CNGB3: variants seen among roughly 807,000 people sequenced by gnomAD.
The protein encoded by CNGB3 is cyclic nucleotide gated channel subunit beta 3.
In CNGB3, 86 loss-of-function variants were observed where a neutral mutation model predicts 92.8. The ratio of observed to expected loss-of-function variants is 0.93; its 90% CI spans 0.78 to 1.11. The LOEUF (loss-of-function observed/expected upper bound fraction) is 1.11. Ranked by LOEUF, CNGB3 falls within the 50% of genes least tolerant of loss-of-function variation. The pLI is 0.00. For missense variants in CNGB3, 1,026 were observed against 956.8 expected (o/e 1.07, Z -0.95); for synonymous variants, 333 against 332.7 (o/e 1.00, Z -0.01).
intron 7 of CNGB3, among the ~76,000 whole-genome samples, chr8:86,651,032 AT>A (rs1181569798): frequency 6.6e-6 from 1 of 151,880 alleles, no homozygotes; most frequent in African/African-American, 2.4e-5. Flanking sequence ...GCTGGAGGCC[AT>A]TATTCTAAGT....
Position 86,743,575 on chromosome 8 carries a change from T to C in CNGB3, c.53A>G (p.Asn18Ser), listed in dbSNP as rs757956255. Residue 18 changes from asparagine (N) to serine (S), a missense_variant, in exon 1 of 18, where the codon AAT becomes AGT. Physicochemically the swap from Asn to Ser is conservative, Grantham distance 46. Transcript: ENST00000320005. ...VNKVKPIGEN[N>S]ENEQSSRRNE... The stretch of plus-strand genomic sequence containing the variant: ...CCGACGAGAACTTTGTTCATTCTCA[T>C]TGTTCTCTCCTATAGGCTTCACCTT... The C allele has an allele frequency of 6.2e-7, 1 of 1,614,010 alleles. No individual in the cohort carries two copies. Among genetic ancestry groups the C allele is most frequent in the South Asian group, 1.1e-5 (1 of 91,082 alleles).
Position 86,643,884 on chromosome 8 carries a change from GA to G in CNGB3, c.1056-12del. The G allele has an allele frequency of 6.2e-7, 1 of 1,602,790 alleles. No homozygotes were observed. On this transcript the variant is annotated splice_polypyrimidine_tract_variant and intron_variant, in intron 9 of 17. Transcript: ENST00000320005. The stretch of plus-strand genomic sequence containing the variant: ...GTTGTTCGAATAACTCTGTCAGAGA[GA>G]ATAGATGCAAAGTAAGATTCATGTT...
At chr8:86,664,273 C>G (rs922171989) in intron 6 of CNGB3, among the ~76,000 whole-genome samples, 1 of 152,198 alleles carries the variant, frequency 6.6e-6, no homozygotes, top group African/African-American at 2.4e-5. Context: ...AAAAAATATT[C>G]AAAGCTATTC....
rs1823572770 is a variant in CNGB3, at chr8:86,658,864, G to T, written c.853-4802C>A. The T allele has an allele frequency of 1.6e-5, 11 of 678,412 alleles. No individual in the cohort carries two copies. The South Asian group carries it at 1.8e-4, about 11-fold the overall frequency. 42.0% of individuals were successfully genotyped at this position (678,412 alleles called of 1,614,324 possible). A position where few individuals can be genotyped will look rare whatever the true frequency, so the allele number is the denominator to read the frequency against. On this transcript the variant is annotated intron_variant, in intron 6 of 17. Coordinates refer to ENST00000320005, the MANE Select transcript of CNGB3 (RefSeq NM_019098.5). ...TCATTCTGCATGGTCTCCAGGGTTT[G>T]CCTGTGCACCTCCACCTGCTCCTCC... is the stretch of plus-strand genomic sequence containing the variant.
At chr8:86,595,891 A>G (rs1262592396) in intron 15 of CNGB3, among the ~76,000 whole-genome samples, 1 of 152,218 alleles carries the variant, frequency 6.6e-6, no homozygotes, top group Non-Finnish European at 1.5e-5. Context: ...TCACATTGAT[A>G]TAAAGTAAAT....
Position 86,739,738 on chromosome 8 carries a change from T to G in CNGB3, c.130-2A>C. The G allele has an allele frequency of 1.9e-6, 3 of 1,613,410 alleles. No individual in the cohort carries two copies. Among genetic ancestry groups the G allele is most frequent in the Non-Finnish European group, 2.5e-6 (3 of 1,179,852 alleles). On this transcript the variant is annotated splice_acceptor_variant, in intron 1 of 17. Transcript: ENST00000320005. LOFTEE classifies it high-confidence loss of function. ...TTTCTCTTCACCTTTGTTTTCTTCCTTTGAGAAAAAACATAGAGATTGTAT... is the reference window on the plus strand; with the variant it reads ...TTTCTCTTCACCTTTGTTTTCTTCCGTTGAGAAAAAACATAGAGATTGTAT...
At chr8:86,652,361 A>T (rs965709241) in intron 7 of CNGB3, among the ~76,000 whole-genome samples, 2 of 151,886 alleles carry the variant, frequency 1.3e-5, no homozygotes, top group African/African-American at 4.8e-5. Context: ...CTTTATAAAC[A>T]CTGTAGAGTT....
chr8:86,623,371 C>T (rs1385240313), intron 13 of CNGB3, among the ~76,000 whole-genome samples: 1 of 152,168 alleles, frequency 6.6e-6, no homozygotes, highest in Non-Finnish European at 1.5e-5. Context: ...ATTTATTTCT[C>T]ACAGTTCTGA....
chr8:86,578,998 TC>T, intron 16 of CNGB3, 107 bp downstream of exon 16: 1 of 1,549,620 alleles, frequency 6.5e-7, no homozygotes, highest in Non-Finnish European at 8.9e-7. Context: ...ATTAAGCATA[TC>T]TCACTGTGAT....
At chr8:86,612,112 T>C (rs1372864707) in intron 13 of CNGB3, among the ~76,000 whole-genome samples, 1 of 152,186 alleles carries the variant, frequency 6.6e-6, no homozygotes, top group East Asian at 1.9e-4. Context: ...TTTCACACCA[T>C]TGTTAGATAT....
intron 15 of CNGB3, among the ~76,000 whole-genome samples, chr8:86,596,202 A>G (rs986207265): frequency 6.6e-6 from 1 of 152,236 alleles, no homozygotes; most frequent in Non-Finnish European, 1.5e-5. Context: ...AATTAAAATA[A>G]CCTATTAAAA....
chr8:86,725,394 AAAC>A (rs1350789229), intron 3 of CNGB3, among the ~76,000 whole-genome samples: 4 of 152,326 alleles, frequency 2.6e-5, no homozygotes, highest in African/African-American at 9.6e-5. Flanking sequence ...ATAATTCTGT[AAAC>A]AACAACAGTT....
intron 3 of CNGB3, among the ~76,000 whole-genome samples, chr8:86,672,944 C>T (rs1823889297): frequency 6.6e-6 from 1 of 152,194 alleles, no homozygotes; most frequent in African/African-American, 2.4e-5. Flanking sequence ...TCATCTTCAA[C>T]AGTTCAGAAA....
chr8:86,644,847 A>T (rs1823267188), intron 8 of CNGB3, among the ~76,000 whole-genome samples, 161 bp from the exon 9 acceptor site: 1 of 151,148 alleles, frequency 6.6e-6, no homozygotes, highest in Admixed American at 6.6e-5. Context: ...TCTGGACAGT[A>T]CATTTTATAG....
At chr8:86,608,429 C>A (rs1277880976) in intron 14 of CNGB3, among the ~76,000 whole-genome samples, 3 of 152,242 alleles carry the variant, frequency 2.0e-5, no homozygotes, top group Non-Finnish European at 2.9e-5. Flanking sequence ...TGTCAAGGAA[C>A]AACACCCGCT....
At chr8:86,676,389 C>G (rs899776039) in intron 3 of CNGB3, among the ~76,000 whole-genome samples, 1 of 152,046 alleles carries the variant, frequency 6.6e-6, no homozygotes, top group Non-Finnish European at 1.5e-5. Flanking sequence ...GGGTGTTCAT[C>G]GCTGCCTAAT....
intron 3 of CNGB3, among the ~76,000 whole-genome samples, chr8:86,671,327 A>T (rs996569270): frequency 6.6e-6 from 1 of 152,244 alleles, no homozygotes; most frequent in Non-Finnish European, 1.5e-5. Context: ...ACTCTTGACC[A>T]TATTGGATCT....
At chr8:86,657,391 G>A in intron 6 of CNGB3, 1 of 466,614 alleles carries the variant, frequency 2.1e-6, no homozygotes, top group South Asian at 1.7e-5. Flanking sequence ...TTAGATGATG[G>A]TGATCTTCAC....
chr8:86,674,482 C>T (rs1018976925), intron 3 of CNGB3, among the ~76,000 whole-genome samples: 3 of 152,070 alleles, frequency 2.0e-5, no homozygotes, highest in Admixed American at 2.0e-4. Context: ...TCTCCTCTGC[C>T]TATATACATA....
Sources: allele counts gnomAD v4.1 joint callset (sites outside exome capture counted in the v4.1 genomes callset), GRCh38; gene constraint gnomAD v4.1.1; transcripts MANE v1.5; gene names NCBI Gene and HGNC (gene_info 2026-07-23, HGNC 2026-07-21).